The following TNR variants were observed in gnomAD, a reference collection of about 807,000 sequenced individuals.
TNR encodes the protein tenascin R.
In TNR, 45 loss-of-function variants were observed where a neutral mutation model predicts 150.4. The observed-to-expected ratio is 0.30, with a 90% confidence interval of 0.24 to 0.38. The LOEUF (loss-of-function observed/expected upper bound fraction) is 0.38, where lower values mean the gene tolerates loss of function less well. TNR is among the 10% of genes least tolerant of loss of function. The probability of loss-of-function intolerance (pLI) is 1.00; values close to 1 mark genes in which losing one functional copy is unlikely to be tolerated. For missense variants in TNR, 1,544 were observed against 1,759.1 expected (o/e 0.88, Z 2.19); for synonymous variants, 687 against 678.4 (o/e 1.01, Z -0.20).
At chr1:175,663,049 C>A (rs1268318872) in intron 1 of TNR, among the ~76,000 whole-genome samples, 1 of 152,182 alleles carries the variant, frequency 6.6e-6, no homozygotes, top group Non-Finnish European at 1.5e-5. Context: ...CTCAGCATAG[C>A]CCTTGGTAAG....
chr1:175,558,794 G>A (rs1178405862), intron 1 of TNR, among the ~76,000 whole-genome samples: 2 of 152,154 alleles, frequency 1.3e-5, no homozygotes, highest in African/African-American at 2.4e-5. Flanking sequence ...GGATGAGTAA[G>A]CAGAGCAGCG....
chr1:175,340,824 G>A (rs1650485723), intron 18 of TNR, among the ~76,000 whole-genome samples: 1 of 152,196 alleles, frequency 6.6e-6, no homozygotes, highest in African/African-American at 2.4e-5. Flanking sequence ...TTGTGGCTGT[G>A]TGGATGAATA....
At chr1:175,538,349 G>GA (rs371463499) in intron 1 of TNR, among the ~76,000 whole-genome samples, 2 of 151,606 alleles carry the variant, frequency 1.3e-5, no homozygotes, top group African/African-American at 2.4e-5. Flanking sequence ...AGTTTCCTGA[G>GA]AAAAAAAAGG....
In TNR at chr1:175,379,694, T is replaced by C. The variant is rs1292827818; in HGVS notation, c.1821A>G (p.Ala607=). Residue 607 remains alanine, a synonymous_variant, in exon 9 of 23, where the codon GCA becomes GCG. Coordinates refer to ENST00000367674, the MANE Select transcript of TNR (RefSeq NM_003285.3). The stretch of plus-strand genomic sequence containing the variant: ...TATCCCACTCGAGGTCAAGGCTGGT[T>C]GCTGTGCGAGAACCAACTCGCAAGT... ...PKNLRVGSRT[A]TSLDLEWDNS... is the part of the protein sequence containing the mutation. The C allele has an allele frequency of 1.2e-5, 19 of 1,614,196 alleles. No individual in the cohort carries two copies. Among genetic ancestry groups the C allele is most frequent in the Non-Finnish European group, 1.6e-5 (19 of 1,180,016 alleles).
chr1:175,656,204 T>A lies in TNR; in HGVS notation c.-165+87022A>T, dbSNP rs182248044. 2.0e-5 allele frequency among the ~76,000 whole-genome samples: 3 copies of A among 148,556 alleles called. No individual in the cohort carries two copies. In the East Asian group the frequency reaches 6.1e-4, roughly 30 times the overall value. On this transcript the variant is annotated intron_variant, in intron 1 of 22. Transcript: ENST00000367674. ...TGTGTGTGTGTGTATGTGGTCTACC[T>A]TTTTCTAATTTGCCCCAAGCATCCA...
At chr1:175,479,267 C>T (rs192613810) in intron 2 of TNR, among the ~76,000 whole-genome samples, 2 of 152,330 alleles carry the variant, frequency 1.3e-5, no homozygotes, top group Non-Finnish European at 2.9e-5. Context: ...TGGTCTAACT[C>T]TGGTTTCCTT....
intron 1 of TNR, among the ~76,000 whole-genome samples, chr1:175,542,850 C>T (rs954813515): frequency 6.6e-6 from 1 of 152,204 alleles, no homozygotes; most frequent in Admixed American, 6.5e-5. Flanking sequence ...CTTTTGCCCA[C>T]ATGTAGGGTC....
intron 1 of TNR, among the ~76,000 whole-genome samples, chr1:175,585,168 G>A (rs752792817): frequency 6.6e-6 from 1 of 152,176 alleles, no homozygotes; most frequent in Non-Finnish European, 1.5e-5. Context: ...TAAAGTAGGT[G>A]CAGTTATCTA....
intron 1 of TNR, among the ~76,000 whole-genome samples, chr1:175,549,994 T>C (rs1055261369): frequency 1.3e-5 from 2 of 152,190 alleles, no homozygotes; most frequent in African/African-American, 4.8e-5. Flanking sequence ...TAATTTGTTG[T>C]GCAGCAATAG....
At chr1:175,420,467 T>C (rs1465538068) in intron 2 of TNR, among the ~76,000 whole-genome samples, 1 of 152,248 alleles carries the variant, frequency 6.6e-6, no homozygotes, top group East Asian at 1.9e-4. Flanking sequence ...GACATTTTCA[T>C]TTTAACAACA....
At chr1:175,533,584 TTTCATATCTTAATTAG>T (rs1660155024) in intron 1 of TNR, among the ~76,000 whole-genome samples, 1 of 152,248 alleles carries the variant, frequency 6.6e-6, no homozygotes, top group African/African-American at 2.4e-5. Context: ...GCTGAAGTTC[TTTCATATCTTAATTAG>T]CAGTTAATTA....
At position 175,322,138 on chromosome 1, in the gene TNR, C is replaced by A. The variant is rs1649087874; in HGVS notation, c.*1219G>T. 6.6e-6 allele frequency: 1 copy of A among 152,246 alleles called. No homozygotes were observed. 9.4% of individuals were successfully genotyped at this position (152,246 alleles called of 1,614,324 possible). On this transcript the variant is annotated 3_prime_UTR_variant, in exon 23 of 23. Transcript: ENST00000367674. The stretch of plus-strand genomic sequence containing the variant: ...TATGGCAGTGCCCTGATTTTGACTT[C>A]TTCAGTCCTTTCCTCAATGCTTGAC...
chr1:175,432,769 C>G (rs1226366096), intron 2 of TNR, among the ~76,000 whole-genome samples: 1 of 152,128 alleles, frequency 6.6e-6, no homozygotes, highest in Admixed American at 6.5e-5. Flanking sequence ...GCCGAGACTG[C>G]TGGACTTCAC....
intron 1 of TNR, among the ~76,000 whole-genome samples, chr1:175,631,378 T>C (rs909491780): frequency 9.9e-5 from 15 of 152,256 alleles, no homozygotes; most frequent in African/African-American, 3.6e-4. Context: ...TACAGGTCTA[T>C]AGCAAGCTTG....
intron 1 of TNR, among the ~76,000 whole-genome samples, chr1:175,569,282 C>T (rs1661768193): frequency 6.6e-6 from 1 of 152,140 alleles, no homozygotes; most frequent in Non-Finnish European, 1.5e-5. Flanking sequence ...CAAGAGTGCT[C>T]TCCACTAGCC....
intron 2 of TNR, among the ~76,000 whole-genome samples, chr1:175,408,526 T>A (rs781401686): frequency 5.9e-5 from 9 of 152,194 alleles, no homozygotes; most frequent in African/African-American, 1.2e-4. Flanking sequence ...GCTTCCAATA[T>A]GGACAGGGAG....
chr1:175,328,649 G>A (rs547569844), intron 21 of TNR, among the ~76,000 whole-genome samples: 1 of 152,326 alleles, frequency 6.6e-6, no homozygotes, highest in African/African-American at 2.4e-5. Flanking sequence ...AGCTGATGAT[G>A]AACAGCCAAA....
Position 175,406,456 on chromosome 1 carries a change from C to G in TNR, c.259G>C (p.Ala87Pro). The G allele has an allele frequency of 6.2e-7, 1 of 1,614,218 alleles. No homozygotes were observed. The highest frequency in any genetic ancestry group is 8.5e-7 in the Non-Finnish European group (1 of 1,180,036). Residue 87 changes from alanine to proline, a missense_variant, in exon 3 of 23, where the codon GCT (alanine) becomes CCT (proline). By Grantham distance (27) the Ala-to-Pro change is conservative. This residue lies in a region of TNR where 1,254 missense variants were observed against 1,329.4 expected (regional missense o/e 0.94). Transcript: ENST00000367674. ...NLCSSGLEASAEQEVSAEDET... is the reference protein window; with the variant it reads ...NLCSSGLEASPEQEVSAEDET... The stretch of plus-strand genomic sequence containing the variant: ...TCTTCTGCACTCACCTCCTGCTCAG[C>G]AGAGGCCTCTAGCCCTGAGGAGCAG...
chr1:175,600,756 C>G (rs532434576), intron 1 of TNR, among the ~76,000 whole-genome samples: 1 of 152,218 alleles, frequency 6.6e-6, no homozygotes, highest in African/African-American at 2.4e-5. Flanking sequence ...ACTTACCTTA[C>G]GGGCTTTCAG....
Sources: allele counts gnomAD v4.1 joint callset (sites outside exome capture counted in the v4.1 genomes callset), GRCh38; gene constraint gnomAD v4.1.1; regional missense constraint gnomAD v4.1.1; transcripts MANE v1.5; gene names NCBI Gene and HGNC (gene_info 2026-07-23, HGNC 2026-07-21).